Variants in PTPRO observed in about 807,000 individuals in gnomAD.
The protein encoded by PTPRO is receptor-type tyrosine-protein phosphatase O.
PTPRO carries 62 observed loss-of-function variants against 145.2 expected under a neutral mutation model. The ratio of observed to expected loss-of-function variants is 0.43; its 90% CI spans 0.35 to 0.53. The LOEUF (loss-of-function observed/expected upper bound fraction) is 0.53, where lower values mean the gene tolerates loss of function less well. PTPRO is among the 20% of genes least tolerant of loss of function. PTPRO has a pLI of 0.01. For synonymous variants in PTPRO, 565 were observed against 514.7 expected (o/e 1.10, Z -1.32); for missense variants, 1,345 against 1,482.7 (o/e 0.91, Z 1.53).
chr12:15,568,867 T>C (rs539897177), intron 18 of PTPRO, among the ~76,000 whole-genome samples: 1 of 152,270 alleles, frequency 6.6e-6, no homozygotes, highest in Non-Finnish European at 1.5e-5. Flanking sequence ...TGCCTCTGCT[T>C]TGGGGAGACT....
In PTPRO at chr12:15,346,006, A is replaced by C. The variant is rs554042748; in HGVS notation, c.75+23205A>C. ...ATTTAGTGTTCAAGAAGAGAGTCCAAATCAGAAACTTTGCTTAATATGATA... is the reference window on the plus strand; with the variant it reads ...ATTTAGTGTTCAAGAAGAGAGTCCACATCAGAAACTTTGCTTAATATGATA... On this transcript the variant is annotated intron_variant, in intron 1 of 26. Transcript: ENST00000281171. Among the ~76,000 whole-genome samples the C allele has an allele frequency of 1.2e-4, 18 of 152,264 alleles. No homozygotes were observed. In the South Asian group the frequency reaches 3.7e-3, roughly 32 times the overall value.
intron 25 of PTPRO, among the ~76,000 whole-genome samples, chr12:15,594,566 CAT>C (rs947470475): frequency 1.2e-4 from 18 of 151,344 alleles, no homozygotes; most frequent in African/African-American, 4.1e-4. Flanking sequence ...TATATATAAA[CAT>C]ATATATAATC....
chr12:15,404,769 C>T (rs1939601366), intron 1 of PTPRO, among the ~76,000 whole-genome samples: 1 of 152,198 alleles, frequency 6.6e-6, no homozygotes, highest in Admixed American at 6.5e-5. Flanking sequence ...GACTTCCATA[C>T]AGTTGGAGAA....
At chr12:15,484,287 G>T (rs757455758) in intron 2 of PTPRO, 40 bp downstream of exon 2, 25 of 1,609,610 alleles carry the variant, frequency 1.6e-5, no homozygotes, top group Non-Finnish European at 2.1e-5. Flanking sequence ...TCTTCTTATT[G>T]TTCCCCTGTT....
chr12:15,413,376 G>A (rs1939856799), intron 1 of PTPRO, among the ~76,000 whole-genome samples: 1 of 152,158 alleles, frequency 6.6e-6, no homozygotes, highest in African/African-American at 2.4e-5. Flanking sequence ...GGGATTATAG[G>A]CTTGAACCTG....
At chr12:15,361,024 G>A (rs1199730673) in intron 1 of PTPRO, among the ~76,000 whole-genome samples, 1 of 145,956 alleles carries the variant, frequency 6.9e-6, no homozygotes, top group East Asian at 2.1e-4. Flanking sequence ...TAAACATATA[G>A]GTATATGTTT....
chr12:15,442,232 A>T (rs896648735), intron 1 of PTPRO, among the ~76,000 whole-genome samples: 1 of 152,348 alleles, frequency 6.6e-6, no homozygotes, highest in East Asian at 1.9e-4. Context: ...CCACATAAAG[A>T]ATTAAAAACA....
At chr12:15,381,984 T>G (rs1938876248) in intron 1 of PTPRO, among the ~76,000 whole-genome samples, 1 of 151,894 alleles carries the variant, frequency 6.6e-6, no homozygotes, top group African/African-American at 2.4e-5. Flanking sequence ...CTGAGCAAAA[T>G]AAATTAGAAA....
intron 7 of PTPRO, among the ~76,000 whole-genome samples, chr12:15,510,836 G>C (rs979161629): frequency 1.9e-4 from 29 of 151,868 alleles, no homozygotes; most frequent in African/African-American, 6.3e-4. Context: ...AGGCTCAAAG[G>C]AACCTACACT....
chr12:15,502,156 A>G (rs1942235419), intron 5 of PTPRO, 93 bp downstream of exon 5: 2 of 1,235,342 alleles, frequency 1.6e-6, no homozygotes, highest in Non-Finnish European at 2.3e-6. Flanking sequence ...GACTGATCAT[A>G]GACAGTTATT....
chr12:15,503,811 TA>T (rs1942267382), intron 5 of PTPRO, 96 bp from the exon 6 acceptor site: 4 of 984,892 alleles, frequency 4.1e-6, no homozygotes, highest in South Asian at 1.6e-5. Context: ...AGGGAACATT[TA>T]AAACACCTAA....
chr12:15,437,652 T>C (rs979878913), intron 1 of PTPRO, among the ~76,000 whole-genome samples: 1 of 151,990 alleles, frequency 6.6e-6, no homozygotes, highest in Non-Finnish European at 1.5e-5. Flanking sequence ...TTCGTAGATA[T>C]TGGTGCAGGA....
chr12:15,546,326 A>T, intron 12 of PTPRO: 1 of 1,334,614 alleles, frequency 7.5e-7, no homozygotes, highest in South Asian at 1.6e-5. Flanking sequence ...AAACTGAAGT[A>T]GAAAACAGAA....
At chr12:15,497,860 C>T (rs1215470775) in intron 3 of PTPRO, among the ~76,000 whole-genome samples, 9 of 152,214 alleles carry the variant, frequency 5.9e-5, no homozygotes, top group African/African-American at 2.2e-4. Context: ...CATACATTAA[C>T]ATACAAAAAT....
chr12:15,516,385 A>AAGAG (rs1046685171), intron 8 of PTPRO, among the ~76,000 whole-genome samples: 1 of 149,028 alleles, frequency 6.7e-6, no homozygotes, highest in Non-Finnish European at 1.5e-5. Flanking sequence ...GAACGAACGA[A>AAGAG]AGAGAGAGAG....
At chr12:15,348,604 G>A (rs1404578416) in intron 1 of PTPRO, 1 of 152,132 alleles carries the variant, frequency 6.6e-6, no homozygotes, top group Non-Finnish European at 1.5e-5. Context: ...TAAAAACACA[G>A]TGAAACCCCG....
intron 2 of PTPRO, among the ~76,000 whole-genome samples, chr12:15,490,277 A>G (rs1454831426): frequency 1.3e-5 from 2 of 152,146 alleles, no homozygotes; most frequent in African/African-American, 2.4e-5. Context: ...CAAATCTACA[A>G]TTCATTCTAG....
chr12:15,350,123 T>C (rs1412058478), intron 1 of PTPRO, among the ~76,000 whole-genome samples: 1 of 152,198 alleles, frequency 6.6e-6, no homozygotes, highest in African/African-American at 2.4e-5. Flanking sequence ...CATATATAAA[T>C]GTTGGAGAAA....
At chr12:15,471,918 C>T (rs1336105840) in intron 1 of PTPRO, among the ~76,000 whole-genome samples, 2 of 152,248 alleles carry the variant, frequency 1.3e-5, no homozygotes, top group Middle Eastern at 3.4e-3. Flanking sequence ...CCCCGGGACT[C>T]TGATTTTCCT....
Sources: allele counts gnomAD v4.1 joint callset (sites outside exome capture counted in the v4.1 genomes callset), GRCh38; gene constraint gnomAD v4.1.1; transcripts MANE v1.5; gene names NCBI Gene and HGNC (gene_info 2026-07-23, HGNC 2026-07-21).